The following ZBTB21 variants were observed in gnomAD, a reference collection of about 807,000 sequenced individuals.
The protein encoded by ZBTB21 is zinc finger and BTB domain containing 21.
ZBTB21 carries 10 observed loss-of-function variants against 39.8 expected under a neutral mutation model. The observed-to-expected ratio is 0.25, with a 90% CI of 0.16 to 0.43. ZBTB21 has a LOEUF of 0.43. Ranked by LOEUF, ZBTB21 falls within the 20% of genes least tolerant of loss-of-function variation. The pLI is 1.00. For missense variants in ZBTB21, 1,221 were observed against 1,296.3 expected (o/e 0.94, Z 0.89); for synonymous variants, 551 against 498.8 (o/e 1.10, Z -1.40).
rs776979908 is a variant in ZBTB21, at chr21:41,991,951, T to C, written c.2145A>G (p.Pro715=). 2.5e-6 allele frequency: 4 copies of C among 1,614,148 alleles called. No individual in the cohort carries two copies. The highest frequency in any genetic ancestry group is 1.7e-6 in the Non-Finnish European group (2 of 1,180,030). Residue 715 remains proline (P), a synonymous_variant, in exon 3 of 3, where the codon CCA becomes CCG. Transcript: ENST00000310826. This position sits in a 1 kb window ranked among gnomAD's most constrained non-coding sequence, Gnocchi z 4.9. Reference sequence around the variant, plus strand: ...ACTGGTAAACCTCCTTGTTTTCTACTGGACTTGCAAGAGGAGCATGCTCTT... The same window carrying C: ...ACTGGTAAACCTCCTTGTTTTCTACCGGACTTGCAAGAGGAGCATGCTCTT... ...KPKEHAPLAS[P]VENKEVYQCR...
rs768624483 is a variant in ZBTB21, at chr21:41,990,879, A to G, written c.*16T>C. Reference sequence around the variant, plus strand: ...AATCTGGGGACTGCCTCCCATAGGTAAAAAGTGTTGGTCTTTCAATTGTGT... The same window carrying G: ...AATCTGGGGACTGCCTCCCATAGGTGAAAAGTGTTGGTCTTTCAATTGTGT... On this transcript the variant is annotated 3_prime_UTR_variant, in exon 3 of 3. Transcript: ENST00000310826. 23 of 1,436,818 alleles carry G rather than the reference A, an allele frequency of 1.6e-5. No homozygotes were observed. The highest frequency in any genetic ancestry group is 2.1e-5 in the Non-Finnish European group (23 of 1,093,950). 89.0% of individuals were successfully genotyped at this position (1,436,818 alleles called of 1,614,324 possible).
At chr21:41,998,389 C>T (rs567149028) in intron 2 of ZBTB21, among the ~76,000 whole-genome samples, 33 of 152,042 alleles carry the variant, frequency 2.2e-4, no homozygotes, top group African/African-American at 8.0e-4. Context: ...TGGGGTTTCA[C>T]CATATTAGCC....
In ZBTB21 at chr21:41,987,176, CAAATGA is replaced by C. The variant is rs2065588825; in HGVS notation, c.*3713_*3718del. 1 of 152,180 alleles carries C rather than the reference CAAATGA, an allele frequency of 6.6e-6. No individual in the cohort carries two copies. Among genetic ancestry groups the C allele is most frequent in the East Asian group, 1.9e-4 (1 of 5,200 alleles). The allele number at this position is 152,180 out of a possible 1,614,324, so 9.4% of individuals were successfully genotyped here. A position where few individuals can be genotyped will look rare whatever the true frequency, so the allele number is the denominator to read the frequency against. On this transcript the variant is annotated 3_prime_UTR_variant, in exon 3 of 3. Coordinates refer to ENST00000310826, the MANE Select transcript of ZBTB21 (RefSeq NM_001098402.2). ...GTGTGAAAAATCTGGACAGCATTAACAAATGAAAGAGCACTGAATTCTGTTATTTTA... is the reference window on the plus strand; with the variant it reads ...GTGTGAAAAATCTGGACAGCATTAACAAGAGCACTGAATTCTGTTATTTTA...
rs775366778 is a variant in ZBTB21, at chr21:41,992,060, T to C, written c.2036A>G (p.Tyr679Cys). The C allele has an allele frequency of 8.1e-6, 13 of 1,614,228 alleles. No individual in the cohort carries two copies. The highest frequency in any genetic ancestry group is 1.1e-5 in the Non-Finnish European group (13 of 1,180,042). The change falls in exon 3 of 3, where the codon TAC (tyrosine) becomes TGC (cysteine). Residue 679 changes from tyrosine (Y) to cysteine (C), a missense_variant. By Grantham distance (194) the Tyr-to-Cys change is radical (BLOSUM62 -2). Transcript: ENST00000310826. This position sits in a 1 kb window ranked among gnomAD's most constrained non-coding sequence, Gnocchi z 4.1. ...AYICTYCGKAYRFLSQFKQHI... is the reference protein window; with the variant it reads ...AYICTYCGKACRFLSQFKQHI... ...CTGCTTAAATTGAGAGAGAAAGCGG[T>C]ACGCTTTTCCGCAGTAAGTACAAAT...
At position 41,990,616 on chromosome 21, in the gene ZBTB21, G is replaced by A. The variant is rs1569099737; in HGVS notation, c.*279C>T. On this transcript the variant is annotated 3_prime_UTR_variant, in exon 3 of 3. Transcript: ENST00000310826. The stretch of plus-strand genomic sequence containing the variant: ...TGATTATACTGACACCATGGAATGA[G>A]GAACCATGCACACAATCAAGACTAA... 1.7e-5 allele frequency: 4 copies of A among 240,116 alleles called. No homozygotes were observed. In the East Asian group the frequency reaches 2.5e-4, roughly 15 times the overall value. The allele number at this position is 240,116 out of a possible 1,614,324, so 14.9% of individuals were successfully genotyped here.
Position 41,993,103 on chromosome 21 carries a change from C to G in ZBTB21, c.993G>C (p.Arg331Ser). The G allele has an allele frequency of 1.9e-6, 3 of 1,614,256 alleles. No individual in the cohort carries two copies. Among genetic ancestry groups the G allele is most frequent in the Non-Finnish European group, 1.7e-6 (2 of 1,180,046 alleles). ...GGAGACTCTTAACAAGTGGGCCACT[C>G]CTGTCAATGCTTTGGTTTCCAGAAC... is the stretch of plus-strand genomic sequence containing the variant. Reference protein sequence around the residue: ...GSGSGNQSIDRSGPLVKSLLR... With the variant: ...GSGSGNQSIDSSGPLVKSLLR... The change falls in exon 3 of 3, where the codon AGG becomes AGC. Residue 331 changes from arginine to serine, a missense_variant. Coordinates refer to ENST00000310826, the MANE Select transcript of ZBTB21 (RefSeq NM_001098402.2).
intron 2 of ZBTB21, among the ~76,000 whole-genome samples, chr21:41,997,554 T>A (rs2065763223): frequency 6.8e-6 from 1 of 148,008 alleles, no homozygotes; most frequent in Admixed American, 6.8e-5. Context: ...CCAGCCTGGT[T>A]GACAGAGCAA....
chr21:42,002,509 A>T (rs2065830051), intron 2 of ZBTB21: 2 of 152,134 alleles, frequency 1.3e-5, no homozygotes, highest in African/African-American at 4.8e-5. Flanking sequence ...TTCTGCTGTC[A>T]GATAAGGCGA....
rs745874227 is a variant in ZBTB21, at chr21:41,991,275, C to T, written c.2821G>A (p.Val941Met). The T allele has an allele frequency of 8.1e-6, 13 of 1,613,880 alleles. No homozygotes were observed. The East Asian group carries it at 1.8e-4, about 22-fold the overall frequency. ...LCSVKPFICHVCNKAFRTNFR... is the reference protein window; with the variant it reads ...LCSVKPFICHMCNKAFRTNFR... ...TTAGTGCGAAAAGCTTTGTTGCACACGTGACAAATAAATGGTTTCACAGAG... is the reference window on the plus strand; with the variant it reads ...TTAGTGCGAAAAGCTTTGTTGCACATGTGACAAATAAATGGTTTCACAGAG... The change falls in exon 3 of 3, where the codon GTG (valine) becomes ATG (methionine). Residue 941 changes from valine to methionine, a missense_variant. By Grantham distance (21) the Val-to-Met change is conservative. This residue lies in a region of ZBTB21 where 523 missense variants were observed against 542.5 expected (regional missense o/e 0.96). Transcript: ENST00000310826. This position sits in a 1 kb window ranked among gnomAD's most constrained non-coding sequence, Gnocchi z 4.9.
At chr21:42,005,431 C>T (rs970745743) in intron 1 of ZBTB21, among the ~76,000 whole-genome samples, 2 of 152,204 alleles carry the variant, frequency 1.3e-5, no homozygotes, top group African/African-American at 4.8e-5. Flanking sequence ...AAAATGCAAC[C>T]TTGCTAGTGC....
chr21:41,988,333 T>C lies in ZBTB21; in HGVS notation c.*2562A>G, dbSNP rs1231292061. ...ACATGGAATAAAGAGCTTTCTACATTTTCAAAATTAATTACAATCCTAAAA... is the reference window on the plus strand; with the variant it reads ...ACATGGAATAAAGAGCTTTCTACATCTTCAAAATTAATTACAATCCTAAAA... On this transcript the variant is annotated 3_prime_UTR_variant, in exon 3 of 3. Coordinates refer to ENST00000310826, the MANE Select transcript of ZBTB21 (RefSeq NM_001098402.2). The C allele has an allele frequency of 6.6e-6, 1 of 152,224 alleles. No individual in the cohort carries two copies. The highest frequency in any genetic ancestry group is 2.4e-5 in the African/African-American group (1 of 41,466). 9.4% of individuals were successfully genotyped at this position (152,224 alleles called of 1,614,324 possible). A position where few individuals can be genotyped will look rare whatever the true frequency, so the allele number is the denominator to read the frequency against.
rs1159094214 is a variant in ZBTB21 at position 41,991,134 on chromosome 21, G to A, written c.2962C>T (p.Pro988Ser). ...ATCTTGGGCAGTGGTGGTGGCGGTG[G>A]CAGAGGTGGTGGAGAGGGAGAGTTT... ...PTNSPSPPPL[P>S]PPPPLPKIQP... Residue 988 changes from proline to serine, a missense_variant, in exon 3 of 3, where the codon CCA becomes TCA. Coordinates refer to ENST00000310826, the MANE Select transcript of ZBTB21 (RefSeq NM_001098402.2). The surrounding 1 kb of genome is among the most constrained non-coding windows in gnomAD (Gnocchi z 4.9). The A allele has an allele frequency of 6.2e-7, 1 of 1,613,962 alleles. No homozygotes were observed. The highest frequency in any genetic ancestry group is 1.7e-5 in the Admixed American group (1 of 60,000).
intron 1 of ZBTB21, among the ~76,000 whole-genome samples, chr21:42,003,173 T>C (rs996420831): frequency 7.9e-5 from 12 of 152,242 alleles, no homozygotes; most frequent in African/African-American, 2.9e-4. Context: ...AGGATTTTTA[T>C]GAAGGACAGA....
chr21:41,987,481 T>A lies in ZBTB21; in HGVS notation c.*3414A>T. The A allele has an allele frequency of 1.3e-5, 2 of 152,088 alleles. No individual in the cohort carries two copies. Among genetic ancestry groups the A allele is most frequent in the Admixed American group, 1.3e-4 (2 of 15,294 alleles). 9.4% of individuals were successfully genotyped at this position (152,088 alleles called of 1,614,324 possible). Reference sequence around the variant, plus strand: ...TTTTTTAAAACTTAAAGTTTAGTAGTCAGTGTTAAAGAACACTTTTAAAGA... The same window carrying A: ...TTTTTTAAAACTTAAAGTTTAGTAGACAGTGTTAAAGAACACTTTTAAAGA... On this transcript the variant is annotated 3_prime_UTR_variant, in exon 3 of 3. Coordinates refer to ENST00000310826, the MANE Select transcript of ZBTB21 (RefSeq NM_001098402.2).
At chr21:42,000,177 G>A (rs1292745624) in intron 2 of ZBTB21, among the ~76,000 whole-genome samples, 1 of 152,138 alleles carries the variant, frequency 6.6e-6, no homozygotes, top group East Asian at 1.9e-4. Context: ...ATAACTGGAA[G>A]GGCATCCTTA....
chr21:42,009,971 A>G (rs1434153900), intron 1 of ZBTB21, among the ~76,000 whole-genome samples: 1 of 152,056 alleles, frequency 6.6e-6, no homozygotes, highest in East Asian at 1.9e-4. Flanking sequence ...CCGTGAGGGA[A>G]TGGAGCATGC....
At chr21:42,001,513 G>A (rs1241289188) in intron 2 of ZBTB21, among the ~76,000 whole-genome samples, 1 of 152,238 alleles carries the variant, frequency 6.6e-6, no homozygotes, top group African/African-American at 2.4e-5. Context: ...CAGCAGACAG[G>A]ATGTTTGCAG....
chr21:41,994,387 G>T (rs2065718077), intron 2 of ZBTB21, among the ~76,000 whole-genome samples: 1 of 152,158 alleles, frequency 6.6e-6, no homozygotes, highest in Admixed American at 6.6e-5. Context: ...TTGGCAGGTA[G>T]ATATGGAAGC....
chr21:42,001,427 GC>G (rs1291802457), intron 2 of ZBTB21, among the ~76,000 whole-genome samples: 1 of 152,194 alleles, frequency 6.6e-6, no homozygotes, highest in African/African-American at 2.4e-5. Flanking sequence ...AACAAGTATG[GC>G]CCTGCCTCAT....
Sources: allele counts gnomAD v4.1 joint callset (sites outside exome capture counted in the v4.1 genomes callset), GRCh38; gene constraint gnomAD v4.1.1; regional missense constraint gnomAD v4.1.1; non-coding constraint Gnocchi (gnomAD v3.1); transcripts MANE v1.5; gene names NCBI Gene and HGNC (gene_info 2026-07-23, HGNC 2026-07-21).